Variants in LNPEP observed in about 807,000 individuals in gnomAD.
LNPEP encodes leucyl and cystinyl aminopeptidase.
LNPEP carries 64 observed loss-of-function variants against 120.6 expected under a neutral mutation model. The observed-to-expected ratio is 0.53, with a 90% CI of 0.43 to 0.65. The LOEUF (loss-of-function observed/expected upper bound fraction) is 0.65. Ranked by LOEUF, LNPEP falls within the 30% of genes least tolerant of loss-of-function variation. The pLI is 0.00. For missense variants in LNPEP, 1,057 were observed against 1,200.0 expected (o/e 0.88, Z 1.76); for synonymous variants, 435 against 425.4 (o/e 1.02, Z -0.28).
rs1404494809 is a variant in LNPEP at position 96,936,291 on chromosome 5, C to G, written c.19+117C>G. On this transcript the variant is annotated intron_variant, in intron 1 of 17. Coordinates refer to ENST00000231368, the MANE Select transcript of LNPEP (RefSeq NM_005575.3). ...CTCCCCCAACACCGCGGGCTTCCCA[C>G]GAGGGCTGAGGGAGGCAGGGAGAGG... is the stretch of plus-strand genomic sequence containing the variant. The G allele has an allele frequency of 5.8e-6, 4 of 688,882 alleles. No homozygotes were observed. In the African/African-American group the frequency reaches 5.9e-5, roughly 10 times the overall value. The allele number at this position is 688,882 out of a possible 1,614,324, so 42.7% of individuals were successfully genotyped here. A position where few individuals can be genotyped will look rare whatever the true frequency, so the allele number is the denominator to read the frequency against.
chr5:96,951,169 T>G (rs1391712322), intron 1 of LNPEP, among the ~76,000 whole-genome samples: 1 of 151,820 alleles, frequency 6.6e-6, no homozygotes, highest in East Asian at 1.9e-4. Context: ...ATTAGGGCTC[T>G]ACCCTTATGA....
chr5:96,999,073 G>T (rs1420583946), intron 8 of LNPEP, among the ~76,000 whole-genome samples: 4 of 151,998 alleles, frequency 2.6e-5, no homozygotes, highest in Non-Finnish European at 5.9e-5. Flanking sequence ...AAGTTGAGTG[G>T]GGCCCAGTTG....
intron 9 of LNPEP, among the ~76,000 whole-genome samples, chr5:97,004,393 T>A (rs1459183786): frequency 1.3e-5 from 2 of 152,058 alleles, no homozygotes; most frequent in Non-Finnish European, 2.9e-5. Flanking sequence ...ATGCCTGTAG[T>A]CTCAGCTACT....
intron 1 of LNPEP, among the ~76,000 whole-genome samples, chr5:96,973,499 C>T (rs1338621197): frequency 6.6e-6 from 1 of 151,962 alleles, no homozygotes; most frequent in Non-Finnish European, 1.5e-5. Flanking sequence ...ATAGGGGACT[C>T]AGAAGAATAT....
At chr5:96,958,569 C>G in intron 1 of LNPEP, 3 of 818,996 alleles carry the variant, frequency 3.7e-6, no homozygotes, top group Non-Finnish European at 4.4e-6. Context: ...CAAACTTAAG[C>G]AATATAGTAC....
chr5:96,967,801 T>G (rs948691165), intron 1 of LNPEP, among the ~76,000 whole-genome samples: 5 of 152,194 alleles, frequency 3.3e-5, no homozygotes, highest in African/African-American at 1.2e-4. Context: ...AGATTATTGC[T>G]ACTTTCATTT....
chr5:96,992,795 C>T (rs1486476346), intron 4 of LNPEP, among the ~76,000 whole-genome samples: 1 of 135,002 alleles, frequency 7.4e-6, no homozygotes, highest in Non-Finnish European at 1.6e-5. Context: ...GGGGGTGGGG[C>T]GGGGTTGGAA....
intron 2 of LNPEP, among the ~76,000 whole-genome samples, chr5:96,981,406 T>A (rs991976222): frequency 1.3e-5 from 2 of 152,226 alleles, no homozygotes; most frequent in African/African-American, 2.4e-5. Flanking sequence ...TAATAGGTTG[T>A]AAAATACTGT....
Position 96,998,093 on chromosome 5 carries a change from T to G in LNPEP, c.1601T>G (p.Val534Gly). The G allele has an allele frequency of 6.3e-7, 1 of 1,592,894 alleles. No individual in the cohort carries two copies. The highest frequency in any genetic ancestry group is 1.1e-5 in the South Asian group (1 of 89,344). The part of the protein sequence containing the change: ...LNSSHPISSS[V>G]QSSEQIEEMF... ...TCATCTCATCCAATATCATCATCTG[T>G]TCAGTCTTCAGAACAAATTGAAGAA... Residue 534 changes from valine to glycine, a missense_variant, in exon 8 of 18, where the codon GTT becomes GGT. Transcript: ENST00000231368.
intron 1 of LNPEP, among the ~76,000 whole-genome samples, chr5:96,965,452 G>A (rs562766695): frequency 6.6e-6 from 1 of 152,184 alleles, no homozygotes; most frequent in South Asian, 2.1e-4. Context: ...ACCTAATTTG[G>A]CAGCAGTGTT....
chr5:96,995,501 G>T (rs779990846), intron 6 of LNPEP, among the ~76,000 whole-genome samples: 21 of 149,868 alleles, frequency 1.4e-4, no homozygotes, highest in Non-Finnish European at 2.7e-4. Context: ...AGCTCTTTCT[G>T]ACTTCATTTG....
chr5:97,023,184 C>G (rs940691417), intron 14 of LNPEP, among the ~76,000 whole-genome samples: 2 of 152,056 alleles, frequency 1.3e-5, no homozygotes, highest in Non-Finnish European at 2.9e-5. Context: ...TTGTGACTGG[C>G]TCATTTCATT....
intron 14 of LNPEP, among the ~76,000 whole-genome samples, chr5:97,023,004 T>C (rs528499815): frequency 1.3e-5 from 2 of 152,258 alleles, no homozygotes; most frequent in South Asian, 4.1e-4. Context: ...TATTGTGTAC[T>C]ATATTTTCAG....
intron 1 of LNPEP, among the ~76,000 whole-genome samples, chr5:96,971,381 G>GTGTA (rs1789859748): frequency 6.7e-6 from 1 of 150,122 alleles, no homozygotes; most frequent in Admixed American, 6.7e-5. Context: ...GTGTGTGTGT[G>GTGTA]TGTATTTATC....
intron 1 of LNPEP, among the ~76,000 whole-genome samples, chr5:96,957,798 G>A (rs963109070): frequency 6.6e-6 from 1 of 152,184 alleles, no homozygotes; most frequent in Non-Finnish European, 1.5e-5. Flanking sequence ...AATTTGTGTT[G>A]TTTTAAGCCG....
At chr5:96,986,509 A>G (rs746482190) in intron 3 of LNPEP, 30 bp from the exon 4 acceptor site, 1 of 1,602,464 alleles carries the variant, frequency 6.2e-7, no homozygotes, top group Non-Finnish European at 8.5e-7. Context: ...TCCTATAGTT[A>G]CAGAACTGTC....
In LNPEP at chr5:97,008,337, G is replaced by GTTT. The variant is rs781727347; in HGVS notation, c.2035+1851_2035+1853dup. 2.1e-3 allele frequency among the ~76,000 whole-genome samples: 125 copies of GTTT among 59,848 alleles called. 15 individuals are homozygous for GTTT. Among genetic ancestry groups the GTTT allele is most frequent in the Non-Finnish European group, 2.4e-3 (85 of 34,906 alleles). The allele number at this position is 59,848 out of a possible 152,430, so 39.3% of individuals were successfully genotyped here. ...TTGATTTTTTTGTTTGTTTTTTCTT[G>GTTT]TTTTTTTTTTTTTTTTTTTTTTTTT... On this transcript the variant is annotated intron_variant, in intron 11 of 17. Coordinates refer to ENST00000231368, the MANE Select transcript of LNPEP (RefSeq NM_005575.3).
At chr5:96,951,479 C>T (rs1789323564) in intron 1 of LNPEP, among the ~76,000 whole-genome samples, 1 of 152,040 alleles carries the variant, frequency 6.6e-6, no homozygotes, top group Non-Finnish European at 1.5e-5. Flanking sequence ...AGGATGGTCT[C>T]GATCTCCTGA....
chr5:97,030,242 A>G lies in LNPEP; in HGVS notation c.*1709A>G, dbSNP rs1312746466. On this transcript the variant is annotated 3_prime_UTR_variant, in exon 18 of 18. Coordinates refer to ENST00000231368, the MANE Select transcript of LNPEP (RefSeq NM_005575.3). The stretch of plus-strand genomic sequence containing the variant: ...TAAAATTTATCTGTTTTAGAGTAGA[A>G]AATATTATATCCTGAGAATCACAGA... 1 of 152,158 alleles carries G rather than the reference A, an allele frequency of 6.6e-6. No homozygotes were observed. Among genetic ancestry groups the G allele is most frequent in the Non-Finnish European group, 1.5e-5 (1 of 68,004 alleles). 9.4% of individuals were successfully genotyped at this position (152,158 alleles called of 1,614,324 possible).
Sources: allele counts gnomAD v4.1 joint callset (sites outside exome capture counted in the v4.1 genomes callset), GRCh38; gene constraint gnomAD v4.1.1; transcripts MANE v1.5; gene names NCBI Gene and HGNC (gene_info 2026-07-23, HGNC 2026-07-21).